GRIN2B: variants seen among roughly 807,000 people sequenced by gnomAD.
GRIN2B encodes glutamate receptor ionotropic, NMDA 2B.
A neutral mutation model predicts 114.5 loss-of-function variants in GRIN2B; 5 were observed. The observed-to-expected ratio is 0.04, with a 90% CI of 0.02 to 0.09. The LOEUF is 0.09. GRIN2B is among the 10% of genes least tolerant of loss of function. GRIN2B has a pLI of 1.00. For synonymous variants in GRIN2B, 787 were observed against 745.1 expected, an observed-to-expected ratio of 1.06 and a Z score of -0.92; for missense variants, 1,108 against 1,943.5, an observed-to-expected ratio of 0.57 and a Z score of 8.08.
rs1439214372 is a variant in GRIN2B at position 13,607,341 on chromosome 12, A to AT, written c.2010+1261dup. Reference sequence around the variant, plus strand: ...ATAAAATATATAATATATATTATATATAATATATAAAATATATAATATATA... The same window carrying AT: ...ATAAAATATATAATATATATTATATATTAATATATAAAATATATAATATATA... On this transcript the variant is annotated intron_variant, in intron 10 of 13. Transcript: ENST00000609686. 6.3e-4 allele frequency among the ~76,000 whole-genome samples: 33 copies of AT among 52,556 alleles called. 1 individual carries two copies. Among genetic ancestry groups the AT allele is most frequent in the African/African-American group, 9.0e-4 (11 of 12,288 alleles). 34.5% of individuals were successfully genotyped at this position (52,556 alleles called of 152,430 possible).
chr12:13,767,417 T>C (rs1342617472), intron 3 of GRIN2B, among the ~76,000 whole-genome samples: 1 of 152,198 alleles, frequency 6.6e-6, no homozygotes, highest in Non-Finnish European at 1.5e-5. Flanking sequence ...AAATGTAATT[T>C]TTTTTCTAAT....
intron 5 of GRIN2B, among the ~76,000 whole-genome samples, chr12:13,666,149 C>T (rs7973158): frequency 0.014 from 2,182 of 152,236 alleles, 51 homozygotes; most frequent in African/African-American, 0.049. Context: ...GCTTCTTTCC[C>T]CTCGAGGTCC....
intron 5 of GRIN2B, among the ~76,000 whole-genome samples, chr12:13,634,618 G>A (rs1400415932): frequency 1.3e-5 from 2 of 152,124 alleles, no homozygotes; most frequent in African/African-American, 2.4e-5. Flanking sequence ...TGTTGGCTAC[G>A]GGTCCATCAC....
intron 2 of GRIN2B, among the ~76,000 whole-genome samples, chr12:13,873,177 A>G (rs1865939419): frequency 6.6e-6 from 1 of 152,212 alleles, no homozygotes; most frequent in Admixed American, 6.5e-5. Flanking sequence ...CAAGTCAATT[A>G]AAGTTTTAAG....
chr12:13,873,827 T>C lies in GRIN2B; in HGVS notation c.-18-7601A>G, dbSNP rs572791024. 7.2e-5 allele frequency among the ~76,000 whole-genome samples: 11 copies of C among 152,290 alleles called. No individual in the cohort carries two copies. The East Asian group carries it at 2.1e-3, about 29-fold the overall frequency. ...GAGTTGGGGAATTTACTCACCTAAATATAGTCCTGCAGAGAATTAACCCCA... is the reference window on the plus strand; with the variant it reads ...GAGTTGGGGAATTTACTCACCTAAACATAGTCCTGCAGAGAATTAACCCCA... On this transcript the variant is annotated intron_variant, in intron 2 of 13. Transcript: ENST00000609686.
intron 4 of GRIN2B, among the ~76,000 whole-genome samples, chr12:13,693,470 C>T (rs1206643983): frequency 1.3e-5 from 2 of 151,950 alleles, no homozygotes; most frequent in African/African-American, 2.4e-5. Flanking sequence ...ATATAAGAAC[C>T]GCAAGCTCTC....
intron 4 of GRIN2B, among the ~76,000 whole-genome samples, chr12:13,678,962 G>A (rs963450014): frequency 6.6e-6 from 1 of 150,990 alleles, no homozygotes; most frequent in Admixed American, 6.6e-5. Context: ...ATTTTGAAAG[G>A]AGGAAGGAAA....
At chr12:13,726,432 G>C (rs1471876126) in intron 4 of GRIN2B, among the ~76,000 whole-genome samples, 1 of 151,676 alleles carries the variant, frequency 6.6e-6, no homozygotes. Context: ...CTACTTGAGA[G>C]GCTGAAGCAG....
chr12:13,851,174 A>G (rs573076762), intron 3 of GRIN2B, among the ~76,000 whole-genome samples: 1 of 152,316 alleles, frequency 6.6e-6, no homozygotes, highest in South Asian at 2.1e-4. Flanking sequence ...AAGACCCTTA[A>G]CAACCTGCAC....
chr12:13,692,854 C>T lies in GRIN2B; in HGVS notation c.1011-16995G>A, dbSNP rs1305721680. ...TGCCATCTCAGCTCACTGCAACGTC[C>T]ACCTCCTGGGTTCAAGTGATTCTCC... On this transcript the variant is annotated intron_variant, in intron 4 of 13. Coordinates refer to ENST00000609686, the MANE Select transcript of GRIN2B (RefSeq NM_000834.5). 2.8e-5 allele frequency among the ~76,000 whole-genome samples: 4 copies of T among 143,712 alleles called. No individual in the cohort carries two copies. In the East Asian group the frequency reaches 8.0e-4, roughly 29 times the overall value. 94.3% of individuals were successfully genotyped at this position (143,712 alleles called of 152,430 possible).
At chr12:13,877,291 C>T (rs1182074853) in intron 2 of GRIN2B, among the ~76,000 whole-genome samples, 1 of 152,138 alleles carries the variant, frequency 6.6e-6, no homozygotes, top group Non-Finnish European at 1.5e-5. Context: ...AAAGAGAGCC[C>T]TGTAGCTAGG....
At chr12:13,970,487 A>G (rs558181281) in intron 2 of GRIN2B, among the ~76,000 whole-genome samples, 17 of 152,216 alleles carry the variant, frequency 1.1e-4, no homozygotes, top group Non-Finnish European at 2.2e-4. Context: ...GTTCATTTCC[A>G]TCATCATCTT....
intron 2 of GRIN2B, among the ~76,000 whole-genome samples, chr12:13,884,518 A>G (rs1290641724): frequency 1.3e-5 from 2 of 151,822 alleles, no homozygotes; most frequent in African/African-American, 4.8e-5. Flanking sequence ...GTGTGTGTGT[A>G]TTTTTTGCTG....
At chr12:13,882,712 T>A (rs2136766350) in intron 2 of GRIN2B, among the ~76,000 whole-genome samples, 1 of 152,354 alleles carries the variant, frequency 6.6e-6, no homozygotes. Flanking sequence ...TATTCATTTA[T>A]GTATACATCA....
rs1245839367 is a variant in GRIN2B at position 13,548,939 on chromosome 12, A to C, written c.*13844T>G. On this transcript the variant is annotated 3_prime_UTR_variant, in exon 14 of 14. Transcript: ENST00000609686. ...GGTATAGAAGTCTCCTCACTCATTC[A>C]TCTAAGGACTTTTCCATCTTCCTAC... The C allele has an allele frequency of 3.9e-5, 6 of 151,932 alleles. No homozygotes were observed. Among genetic ancestry groups the C allele is most frequent in the African/African-American group, 1.5e-4 (6 of 41,352 alleles). 9.4% of individuals were successfully genotyped at this position (151,932 alleles called of 1,614,324 possible). A position where few individuals can be genotyped will look rare whatever the true frequency, so the allele number is the denominator to read the frequency against.
At chr12:13,566,928 G>C (rs1948648131) in intron 13 of GRIN2B, 97 bp downstream of exon 13, 2 of 843,868 alleles carry the variant, frequency 2.4e-6, no homozygotes, top group East Asian at 4.8e-5. Flanking sequence ...GAGCAACATG[G>C]GGGTGGAGAT....
chr12:13,627,895 C>A (rs965515787), intron 5 of GRIN2B, among the ~76,000 whole-genome samples: 60 of 152,216 alleles, frequency 3.9e-4, no homozygotes, highest in African/African-American at 1.4e-3. Flanking sequence ...TTCTATTCCC[C>A]ATGCACTCCT....
intron 4 of GRIN2B, among the ~76,000 whole-genome samples, chr12:13,723,151 T>C (rs899624543): frequency 7.2e-5 from 11 of 151,930 alleles, no homozygotes; most frequent in African/African-American, 2.7e-4. Flanking sequence ...TTGTTTTTTA[T>C]TATTATACTT....
intron 2 of GRIN2B, among the ~76,000 whole-genome samples, chr12:13,975,201 G>A (rs1184103665): frequency 6.6e-6 from 1 of 152,226 alleles, no homozygotes; most frequent in Non-Finnish European, 1.5e-5. Context: ...TTAAAAGCAG[G>A]GATGGTGTAG....
Sources: gnomAD v4.1 joint callset for allele counts (sites outside exome capture counted in the v4.1 genomes callset) on GRCh38, gnomAD v4.1.1 for gene constraint, MANE v1.5 for transcripts, NCBI Gene and HGNC (gene_info 2026-07-23, HGNC 2026-07-21) for gene names.